Variants in ZNF420 observed in about 807,000 individuals in gnomAD.
ZNF420 encodes the protein ATM and p53-associated KZNF protein.
In ZNF420, 31 loss-of-function variants were observed where a neutral mutation model predicts 44.7. The ratio of observed to expected loss-of-function variants is 0.69; its 90% confidence interval spans 0.52 to 0.94. The LOEUF (loss-of-function observed/expected upper bound fraction) is 0.94, where lower values mean the gene tolerates loss of function less well. ZNF420 is among the 40% of genes least tolerant of loss of function. The probability of loss-of-function intolerance (pLI) is 0.00; values close to 1 mark genes in which losing one functional copy is unlikely to be tolerated. For synonymous variants in ZNF420, 245 were observed against 267.4 expected (o/e 0.92, Z 0.82); for missense variants, 681 against 827.9 (o/e 0.82, Z 2.18).
chr19:37,125,908 A>G (rs968228636), intron 4 of ZNF420, among the ~76,000 whole-genome samples: 2 of 152,158 alleles, frequency 1.3e-5, no homozygotes, highest in Non-Finnish European at 2.9e-5. Flanking sequence ...AACCCAAAGT[A>G]TAAAGAATTC....
intron 2 of ZNF420, among the ~76,000 whole-genome samples, chr19:37,081,405 C>CAG (rs1328658688): frequency 1.3e-5 from 2 of 151,910 alleles, no homozygotes; most frequent in Non-Finnish European, 2.9e-5. Context: ...TCAACTAGGT[C>CAG]AGGTAGGTTG....
intron 4 of ZNF420, among the ~76,000 whole-genome samples, chr19:37,099,387 GTGA>G (rs1275223171): frequency 6.6e-6 from 1 of 152,040 alleles, no homozygotes; most frequent in Non-Finnish European, 1.5e-5. Context: ...CAGCAGTGAG[GTGA>G]TATCTGATTG....
Position 37,129,272 on chromosome 19 carries a change from A to C in ZNF420, c.*214A>C, listed in dbSNP as rs1971533495. The stretch of plus-strand genomic sequence containing the variant: ...AATTGGAGAATAGTTTTAATATAGT[A>C]AATGTAGGAAGCCCTTTAGCCATAT... On this transcript the variant is annotated 3_prime_UTR_variant, in exon 5 of 5. Transcript: ENST00000337995. 1.7e-6 allele frequency: 1 copy of C among 574,632 alleles called. No individual in the cohort carries two copies. Among genetic ancestry groups the C allele is most frequent in the South Asian group, 2.6e-5 (1 of 38,386 alleles). 35.6% of individuals were successfully genotyped at this position (574,632 alleles called of 1,614,324 possible).
chr19:37,031,703 G>A (rs1253764646), intron 1 of ZNF420, among the ~76,000 whole-genome samples: 1 of 151,938 alleles, frequency 6.6e-6, no homozygotes, highest in Non-Finnish European at 1.5e-5. Flanking sequence ...AGTAGAGACA[G>A]GGTTTTGCAT....
At chr19:37,021,073 A>G (rs376616832) in intron 1 of ZNF420, among the ~76,000 whole-genome samples, 20 of 152,194 alleles carry the variant, frequency 1.3e-4, no homozygotes, top group African/African-American at 4.1e-4. Flanking sequence ...AATTAGGAGG[A>G]AAATAACCCA....
At chr19:37,064,474 A>G (rs1028494084) in intron 1 of ZNF420, among the ~76,000 whole-genome samples, 2 of 152,170 alleles carry the variant, frequency 1.3e-5, no homozygotes, top group East Asian at 3.8e-4. Context: ...TTACACATAT[A>G]AAAGATGTTC....
At chr19:37,015,745 G>A (rs953167528) in intron 1 of ZNF420, among the ~76,000 whole-genome samples, 5 of 152,162 alleles carry the variant, frequency 3.3e-5, no homozygotes, top group Admixed American at 6.5e-5. Flanking sequence ...TCCACACCAT[G>A]GCCTGGTGCT....
chr19:37,074,459 T>C (rs1448089985), upstream of ZNF420, among the ~76,000 whole-genome samples: 19 of 152,046 alleles, frequency 1.2e-4, no homozygotes, highest in Admixed American at 1.2e-3. Flanking sequence ...AAAAATGTCA[T>C]GAAATACAAA....
rs188172404 is a variant in ZNF420 at position 37,063,631 on chromosome 19, C to T, written c.-124-16714C>T. On this transcript the variant is annotated intron_variant, in intron 1 of 4. Coordinates refer to the ZNF420 transcript ENST00000587029. ...AGGGCTCAGTCCTTTAGATGTTAAT[C>T]CGACTGTGCAGTTAAATAATTAATA... is the stretch of plus-strand genomic sequence containing the variant. Among the ~76,000 whole-genome samples the T allele has an allele frequency of 7.1e-3, 1,020 of 143,944 alleles. 2 individuals carry two copies. The highest frequency in any genetic ancestry group is 0.012 in the Non-Finnish European group (774 of 66,632). The allele number at this position is 143,944 out of a possible 152,430, so 94.4% of individuals were successfully genotyped here.
At chr19:37,019,898 G>A (rs994721434) in intron 1 of ZNF420, among the ~76,000 whole-genome samples, 3 of 151,734 alleles carry the variant, frequency 2.0e-5, no homozygotes, top group Admixed American at 1.3e-4. Context: ...CAGGAGCATC[G>A]CCATCTTGGA....
intron 1 of ZNF420, among the ~76,000 whole-genome samples, chr19:37,030,257 G>T (rs556763881): frequency 6.6e-6 from 1 of 152,100 alleles, no homozygotes; most frequent in African/African-American, 2.4e-5. Flanking sequence ...CGCCTCCCGG[G>T]TTCAAGCAAT....
At chr19:37,060,133 C>T (rs533529380) in intron 1 of ZNF420, among the ~76,000 whole-genome samples, 1 of 152,240 alleles carries the variant, frequency 6.6e-6, no homozygotes, top group African/African-American at 2.4e-5. Context: ...ACTGAAGTCT[C>T]ATCCCCATCC....
intron 1 of ZNF420, among the ~76,000 whole-genome samples, chr19:37,051,926 T>C (rs1223022591): frequency 6.6e-6 from 1 of 152,210 alleles, no homozygotes; most frequent in African/African-American, 2.4e-5. Context: ...TGTGTTTTTG[T>C]TCTCATTGGT....
At chr19:37,049,567 G>C (rs1967601638) in intron 1 of ZNF420, among the ~76,000 whole-genome samples, 1 of 152,054 alleles carries the variant, frequency 6.6e-6, no homozygotes, top group African/African-American at 2.4e-5. Context: ...GAGGTTGTTT[G>C]TTTTTTTCTT....
At chr19:37,013,518 G>A (rs2074587504) in intron 1 of ZNF420, among the ~76,000 whole-genome samples, 2 of 152,100 alleles carry the variant, frequency 1.3e-5, no homozygotes, top group Admixed American at 6.5e-5. Flanking sequence ...CGACCAGGAT[G>A]AAAAAACCTC....
At chr19:37,040,266 G>A (rs536184368) in intron 1 of ZNF420, among the ~76,000 whole-genome samples, 19 of 152,042 alleles carry the variant, frequency 1.2e-4, no homozygotes, top group Non-Finnish European at 2.5e-4. Context: ...CTTAAACATC[G>A]TGAACCAACC....
At chr19:37,073,762 A>AAAAAG (rs1328317758), upstream of ZNF420, among the ~76,000 whole-genome samples, 66 of 151,588 alleles carry the variant, frequency 4.4e-4, no homozygotes, top group South Asian at 1.9e-3. Context: ...AAAAAAAAAA[A>AAAAAG]AAAAGAAAAG....
intron 1 of ZNF420, among the ~76,000 whole-genome samples, chr19:37,026,279 TC>T (rs919060836): frequency 2.0e-5 from 3 of 150,416 alleles, no homozygotes; most frequent in African/African-American, 7.3e-5. Context: ...TGCCTCAGCC[TC>T]CCGAGTAGCT....
At chr19:37,098,940 C>T (rs1969610595) in intron 4 of ZNF420, among the ~76,000 whole-genome samples, 1 of 152,100 alleles carries the variant, frequency 6.6e-6, no homozygotes, top group South Asian at 2.1e-4. Context: ...TGATATTTGT[C>T]CTGTTCTTGG....
Sources: gnomAD v4.1 joint callset for allele counts (sites outside exome capture counted in the v4.1 genomes callset) on GRCh38, gnomAD v4.1.1 for gene constraint, MANE v1.5 for transcripts, NCBI Gene and HGNC (gene_info 2026-07-23, HGNC 2026-07-21) for gene names.